ODAD2: variants seen among roughly 807,000 people sequenced by gnomAD.
The protein encoded by ODAD2 is outer dynein arm docking complex subunit 2.
Under a neutral mutation model 106.8 loss-of-function variants are expected in ODAD2, and 89 were observed. The ratio of observed to expected loss-of-function variants is 0.83; its 90% CI spans 0.70 to 0.99. The LOEUF is 0.99. ODAD2 is among the 50% of genes least tolerant of loss of function. The pLI, the probability that ODAD2 is intolerant of heterozygous loss-of-function variation, is 0.00. For synonymous variants in ODAD2, 404 were observed against 436.2 expected (o/e 0.93, Z 0.92); for missense variants, 1,168 against 1,238.5 (o/e 0.94, Z 0.85).
chr10:27,974,688 T>A (rs920029335), intron 7 of ODAD2, among the ~76,000 whole-genome samples: 17 of 136,888 alleles, frequency 1.2e-4, no homozygotes, highest in African/African-American at 4.6e-4. Context: ...GGTCTGTTTT[T>A]GTTTTTTTTT....
At position 27,999,047 on chromosome 10, in the gene ODAD2, A is replaced by G. The variant is rs1211997556; in HGVS notation, c.-92T>C. 2 of 152,564 alleles carry G rather than the reference A, an allele frequency of 1.3e-5. No individual in the cohort carries two copies. The highest frequency in any genetic ancestry group is 2.0e-4 in the South Asian group (1 of 5,056). The allele number at this position is 152,564 out of a possible 1,614,324, so 9.5% of individuals were successfully genotyped here. A position where few individuals can be genotyped will look rare whatever the true frequency, so the allele number is the denominator to read the frequency against. The stretch of plus-strand genomic sequence containing the variant: ...GATTCCCGCGGACCCGTTGCACCGT[A>G]TGCCCGCGCCAGAGACGCTCTGCGC... On this transcript the variant is annotated 5_prime_UTR_variant, in exon 1 of 20. Coordinates refer to ENST00000305242, the MANE Select transcript of ODAD2 (RefSeq NM_018076.5).
intron 19 of ODAD2, among the ~76,000 whole-genome samples, chr10:27,818,986 C>T (rs572189760): frequency 6.6e-6 from 1 of 152,166 alleles, no homozygotes; most frequent in Non-Finnish European, 1.5e-5. Flanking sequence ...CTTAACCCAA[C>T]CTTCTCATAT....
Position 27,994,977 on chromosome 10 carries a change from G to T in ODAD2, c.166C>A (p.Pro56Thr), listed in dbSNP as rs541829541. The T allele has an allele frequency of 1.2e-6, 2 of 1,614,034 alleles. No homozygotes were observed. Among genetic ancestry groups the T allele is most frequent in the Non-Finnish European group, 1.7e-6 (2 of 1,180,036 alleles). ...PQEAKFVFVEPLEWNTSLAPS... is the reference protein window; with the variant it reads ...PQEAKFVFVETLEWNTSLAPS... ...GCCAAACTTGTGTTCCATTCAAGTG[G>T]TTCCACAAAAACAAATTTTGCCTCT... Residue 56 changes from proline to threonine, a missense_variant, in exon 2 of 20, where the codon CCA (proline) becomes ACA (threonine). Transcript: ENST00000305242.
chr10:27,840,594 G>A (rs995071654), intron 19 of ODAD2, among the ~76,000 whole-genome samples: 4 of 152,170 alleles, frequency 2.6e-5, no homozygotes, highest in Non-Finnish European at 5.9e-5. Flanking sequence ...CTGAAAATGG[G>A]GGTGGAGAAA....
chr10:27,816,977 T>C (rs2132808587), intron 19 of ODAD2, among the ~76,000 whole-genome samples: 1 of 152,324 alleles, frequency 6.6e-6, no homozygotes, highest in East Asian at 1.9e-4. Context: ...CTCTAATTCC[T>C]GACCTCAGGT....
At chr10:27,955,505 T>C (rs1006035648) in intron 10 of ODAD2, among the ~76,000 whole-genome samples, 1 of 152,164 alleles carries the variant, frequency 6.6e-6, no homozygotes, top group Admixed American at 6.5e-5. Context: ...CTGTGTGGCC[T>C]GGAGCAAAGA....
Position 27,944,393 on chromosome 10 carries a change from A to G in ODAD2, c.1572T>C (p.Asn524=). 6.2e-7 allele frequency: 1 copy of G among 1,614,016 alleles called. No homozygotes were observed. Among genetic ancestry groups the G allele is most frequent in the Non-Finnish European group, 8.5e-7 (1 of 1,179,922 alleles). ...SLKILKEISH[N]PQIRQNIVDL... The stretch of plus-strand genomic sequence containing the variant: ...CAACAATATTCTGTCTGATTTGAGG[A>G]TTATGACTGATTTCCTTCAGTATTT... The change falls in exon 12 of 20, where the codon AAT becomes AAC. Residue 524 remains asparagine (N), a synonymous_variant. Coordinates refer to ENST00000305242, the MANE Select transcript of ODAD2 (RefSeq NM_018076.5).
intron 6 of ODAD2, among the ~76,000 whole-genome samples, chr10:27,982,744 T>C (rs1268561509): frequency 6.6e-6 from 1 of 152,174 alleles, no homozygotes; most frequent in Admixed American, 6.5e-5. Flanking sequence ...TAGAATTTTG[T>C]TTCTGAGTTC....
chr10:27,905,355 G>A (rs993137949), intron 17 of ODAD2, among the ~76,000 whole-genome samples: 1 of 151,998 alleles, frequency 6.6e-6, no homozygotes, highest in Non-Finnish European at 1.5e-5. Context: ...CACTGCTCAA[G>A]GAAATAAGAG....
intron 16 of ODAD2, among the ~76,000 whole-genome samples, chr10:27,919,874 C>A (rs914517269): frequency 2.0e-5 from 3 of 152,026 alleles, no homozygotes; most frequent in African/African-American, 7.2e-5. Flanking sequence ...TTACTTTTGC[C>A]TGCTGGTTAT....
In ODAD2 at chr10:27,829,551, TC is replaced by T. The variant is rs151287407; in HGVS notation, c.3022-16927del. Reference sequence around the variant, plus strand: ...GCATATGTCAAATGTGGTTGTTATTTCTTTTTTATAACTTATTTCTAACAGG... The same window carrying T: ...GCATATGTCAAATGTGGTTGTTATTTTTTTTTATAACTTATTTCTAACAGG... On this transcript the variant is annotated intron_variant, in intron 19 of 19. Coordinates refer to ENST00000305242, the MANE Select transcript of ODAD2 (RefSeq NM_018076.5). Among the ~76,000 whole-genome samples, 159 of 152,348 alleles carry T rather than the reference TC, an allele frequency of 1.0e-3. 1 individual carries two copies. Among genetic ancestry groups the T allele is most frequent in the African/African-American group, 3.6e-3 (149 of 41,586 alleles).
intron 17 of ODAD2, among the ~76,000 whole-genome samples, chr10:27,870,817 G>A (rs1010185393): frequency 6.6e-6 from 1 of 152,112 alleles, no homozygotes; most frequent in Non-Finnish European, 1.5e-5. Context: ...ATAAACATAC[G>A]TGTGCATGTG....
rs946061355 is a variant in ODAD2 at position 27,853,322 on chromosome 10, G to A, written c.3021+7303C>T. 9.1e-5 allele frequency: 25 copies of A among 274,636 alleles called. 1 individual carries two copies. The highest frequency in any genetic ancestry group is 1.6e-4 in the Non-Finnish European group (22 of 139,154). The allele number at this position is 274,636 out of a possible 1,614,324, so 17.0% of individuals were successfully genotyped here. The stretch of plus-strand genomic sequence containing the variant: ...GTGGAGGTTGCAGTGAGCCAAGATC[G>A]TTGTCACTGCACTCTAGCCTGGCGA... On this transcript the variant is annotated intron_variant, in intron 19 of 19. Coordinates refer to ENST00000305242, the MANE Select transcript of ODAD2 (RefSeq NM_018076.5).
At chr10:27,895,313 C>G (rs1225758061) in intron 17 of ODAD2, among the ~76,000 whole-genome samples, 2 of 152,218 alleles carry the variant, frequency 1.3e-5, no homozygotes, top group East Asian at 3.9e-4. Context: ...TTTTTATTTC[C>G]TATTTGAGAT....
At chr10:27,900,038 GGTGGAC>G (rs1843093829) in intron 17 of ODAD2, among the ~76,000 whole-genome samples, 1 of 152,150 alleles carries the variant, frequency 6.6e-6, no homozygotes, top group African/African-American at 2.4e-5. Context: ...TCCCAGCAGG[GGTGGAC>G]AGACACCTTA....
At chr10:27,815,333 CA>C (rs1836047018) in intron 19 of ODAD2, among the ~76,000 whole-genome samples, 1 of 152,096 alleles carries the variant, frequency 6.6e-6, no homozygotes, top group South Asian at 2.1e-4. Context: ...AAAAATAAAA[CA>C]AAACAAAAAG....
intron 19 of ODAD2, among the ~76,000 whole-genome samples, chr10:27,819,833 TAA>T (rs34381002): frequency 0.11 from 16,138 of 145,008 alleles, 2,012 homozygotes; most frequent in African/African-American, 0.28. Context: ...CTTATCTCTT[TAA>T]AAAAAAAAAA....
intron 19 of ODAD2, chr10:27,853,343 G>A: frequency 3.5e-6 from 1 of 284,508 alleles, no homozygotes; most frequent in South Asian, 3.2e-5. Context: ...ACTCTAGCCT[G>A]GCGACATGGC....
rs35072227 is a variant in ODAD2 at position 27,829,931 on chromosome 10, T to TA, written c.3022-17307dup. Among the ~76,000 whole-genome samples the TA allele has an allele frequency of 4.5e-3, 667 of 149,612 alleles. 10 individuals are homozygous for TA. The highest frequency in any genetic ancestry group is 0.024 in the East Asian group (121 of 5,040). On this transcript the variant is annotated intron_variant, in intron 19 of 19. Coordinates refer to ENST00000305242, the MANE Select transcript of ODAD2 (RefSeq NM_018076.5). ...CTAAGCAAGGTATTCAGGCAGTAATTAAAAAAAAAAAAATGTAAGCAGTGG... is the reference window on the plus strand; with the variant it reads ...CTAAGCAAGGTATTCAGGCAGTAATTAAAAAAAAAAAAAATGTAAGCAGTGG...
Sources: allele counts gnomAD v4.1 joint callset (sites outside exome capture counted in the v4.1 genomes callset), GRCh38; gene constraint gnomAD v4.1.1; transcripts MANE v1.5; gene names NCBI Gene and HGNC (gene_info 2026-07-23, HGNC 2026-07-21).